Variants in CSMD1 observed in about 807,000 individuals in gnomAD.
CSMD1 encodes the protein CUB and Sushi multiple domains 1.
CSMD1 carries 213 observed loss-of-function variants against 417.5 expected under a neutral mutation model. The observed-to-expected ratio is 0.51, with a 90% confidence interval of 0.46 to 0.57. The LOEUF (loss-of-function observed/expected upper bound fraction) is 0.57, where lower values mean the gene tolerates loss of function less well. CSMD1 is among the 20% of genes least tolerant of loss of function. CSMD1 has a pLI of 0.00. For missense variants in CSMD1, 6,923 were observed against 4,529.7 expected (o/e 1.53, Z -15.17); for synonymous variants, 2,862 against 1,736.8 (o/e 1.65, Z -16.11).
rs558144673 is a variant in CSMD1, at chr8:4,352,375, T to G, written c.415+67578A>C. Reference sequence around the variant, plus strand: ...TTCTCAGATAATTCACAAACAGCAATAAATATGTCTGTAGATCCACAGAAA... The same window carrying G: ...TTCTCAGATAATTCACAAACAGCAAGAAATATGTCTGTAGATCCACAGAAA... On this transcript the variant is annotated intron_variant, in intron 3 of 69. Transcript: ENST00000635120. Among the ~76,000 whole-genome samples the G allele has an allele frequency of 2.0e-4, 30 of 152,274 alleles. 1 individual carries two copies. The highest frequency in any genetic ancestry group is 7.0e-4 in the African/African-American group (29 of 41,568).
intron 5 of CSMD1, among the ~76,000 whole-genome samples, chr8:3,917,444 C>T (rs1447385502): frequency 6.6e-6 from 1 of 152,072 alleles, no homozygotes; most frequent in Non-Finnish European, 1.5e-5. Context: ...CACACACGCT[C>T]ATGCGCGCAC....
chr8:3,896,904 C>A (rs777688981), intron 5 of CSMD1, among the ~76,000 whole-genome samples: 10 of 151,830 alleles, frequency 6.6e-5, no homozygotes, highest in Non-Finnish European at 1.3e-4. Flanking sequence ...ATGTTTGGTT[C>A]TCCAATAACA....
At chr8:4,809,967 C>T (rs866636237) in intron 1 of CSMD1, among the ~76,000 whole-genome samples, 3 of 152,102 alleles carry the variant, frequency 2.0e-5, no homozygotes, top group South Asian at 4.2e-4. Flanking sequence ...CTCCTGCAAA[C>T]GGGGTAATTA....
At chr8:2,956,947 C>A (rs946684830) in intron 63 of CSMD1, among the ~76,000 whole-genome samples, 2 of 151,846 alleles carry the variant, frequency 1.3e-5, no homozygotes, top group Non-Finnish European at 2.9e-5. Flanking sequence ...TGATTTAGAG[C>A]AGAGATAATT....
intron 49 of CSMD1, among the ~76,000 whole-genome samples, chr8:3,078,253 CT>C (rs1813832453): frequency 6.6e-6 from 1 of 152,160 alleles, no homozygotes; most frequent in African/African-American, 2.4e-5. Flanking sequence ...CAAAATTACC[CT>C]TTTTGAACAC....
intron 26 of CSMD1, among the ~76,000 whole-genome samples, chr8:3,243,948 C>A (rs908333191): frequency 2.0e-5 from 3 of 151,952 alleles, no homozygotes; most frequent in African/African-American, 7.3e-5. Flanking sequence ...ATTTGTTGAC[C>A]GAGGTATTAG....
intron 3 of CSMD1, among the ~76,000 whole-genome samples, chr8:4,191,725 A>C (rs1221606339): frequency 7.2e-6 from 1 of 139,078 alleles, no homozygotes. Context: ...CCTTCCACTG[A>C]AAAAAGGGAA....
At chr8:4,924,722 C>CAAAA (rs60827201) in intron 1 of CSMD1, among the ~76,000 whole-genome samples, 2,282 of 62,248 alleles carry the variant, frequency 0.037, 66 homozygotes, top group South Asian at 0.077. Flanking sequence ...AACTCCATCT[C>CAAAA]AAAAAAAAAA....
At chr8:4,713,556 C>CA (rs1362163379) in intron 1 of CSMD1, among the ~76,000 whole-genome samples, 2 of 152,158 alleles carry the variant, frequency 1.3e-5, no homozygotes, top group Non-Finnish European at 1.5e-5. Context: ...CGGCTGCCAC[C>CA]ACGCCTAGTT....
At chr8:4,531,808 A>G (rs528848369) in intron 2 of CSMD1, among the ~76,000 whole-genome samples, 2 of 152,332 alleles carry the variant, frequency 1.3e-5, no homozygotes, top group South Asian at 2.1e-4. Context: ...AGCCACCATC[A>G]TAATCCCTTT....
chr8:3,933,634 T>C (rs777897326), intron 5 of CSMD1, among the ~76,000 whole-genome samples: 3 of 152,208 alleles, frequency 2.0e-5, no homozygotes, highest in Non-Finnish European at 4.4e-5. Context: ...TGTTAGTCTC[T>C]ATATTGAAGA....
intron 1 of CSMD1, among the ~76,000 whole-genome samples, chr8:4,973,256 G>C (rs1810348687): frequency 6.6e-6 from 1 of 152,140 alleles, no homozygotes; most frequent in Non-Finnish European, 1.5e-5. Context: ...TAAAATGCTT[G>C]AGGGCAGGGA....
At chr8:4,677,097 A>C (rs1423762571) in intron 1 of CSMD1, among the ~76,000 whole-genome samples, 2 of 146,914 alleles carry the variant, frequency 1.4e-5, no homozygotes, top group East Asian at 3.9e-4. Flanking sequence ...ATATATTATA[A>C]TATCTATCAT....
At chr8:3,739,482 T>A (rs562079902) in intron 6 of CSMD1, among the ~76,000 whole-genome samples, 1 of 152,312 alleles carries the variant, frequency 6.6e-6, no homozygotes, top group African/African-American at 2.4e-5. Flanking sequence ...TCACTACACA[T>A]ATTATGTTTC....
At chr8:3,621,285 T>A (rs539145251) in intron 7 of CSMD1, among the ~76,000 whole-genome samples, 3 of 152,004 alleles carry the variant, frequency 2.0e-5, no homozygotes, top group Non-Finnish European at 4.4e-5. Flanking sequence ...GCAGGAGGCG[T>A]TGAATAGTAA....
At chr8:3,163,890 G>C (rs1183065814) in intron 37 of CSMD1, among the ~76,000 whole-genome samples, 1 of 152,172 alleles carries the variant, frequency 6.6e-6, no homozygotes, top group Non-Finnish European at 1.5e-5. Context: ...GCAAAGTGAA[G>C]TCAGCCTGGC....
intron 3 of CSMD1, among the ~76,000 whole-genome samples, chr8:4,352,206 C>G (rs1057458846): frequency 2.0e-5 from 3 of 152,152 alleles, no homozygotes; most frequent in African/African-American, 7.2e-5. Flanking sequence ...TAAGCAAGCC[C>G]CACTTAGAGC....
At chr8:4,080,633 A>C (rs1239571668) in intron 3 of CSMD1, among the ~76,000 whole-genome samples, 1 of 152,180 alleles carries the variant, frequency 6.6e-6, no homozygotes, top group Admixed American at 6.5e-5. Flanking sequence ...GCTAAATTTT[A>C]TCAGTTTTAT....
chr8:3,905,245 T>G (rs1808038061), intron 5 of CSMD1, among the ~76,000 whole-genome samples: 1 of 152,202 alleles, frequency 6.6e-6, no homozygotes, highest in Admixed American at 6.5e-5. Flanking sequence ...CAAAGGAATA[T>G]TTAGATTATA....
Sources: gnomAD v4.1 joint callset for allele counts (sites outside exome capture counted in the v4.1 genomes callset) on GRCh38, gnomAD v4.1.1 for gene constraint, MANE v1.5 for transcripts, NCBI Gene and HGNC (gene_info 2026-07-23, HGNC 2026-07-21) for gene names.